The following RALYL variants were observed in gnomAD, a reference collection of about 807,000 sequenced individuals.
The protein encoded by RALYL is RALY RNA binding protein like, also known as RNA-binding Raly-like protein.
RALYL carries 29 observed loss-of-function variants against 35.1 expected under a neutral mutation model. That is an observed-to-expected ratio of 0.83 (90% CI 0.61 to 1.13). The LOEUF is 1.13. RALYL is among the 50% of genes most tolerant of loss of function. The pLI, the probability that RALYL is intolerant of heterozygous loss-of-function variation, is 0.00. For synonymous variants in RALYL, 120 were observed against 127.6 expected, an observed-to-expected ratio of 0.94 and a Z score of 0.40; for missense variants, 359 against 360.4, an observed-to-expected ratio of 1.00 and a Z score of 0.03.
At chr8:84,734,383 A>T (rs1846836487) in intron 2 of RALYL, among the ~76,000 whole-genome samples, 1 of 152,194 alleles carries the variant, frequency 6.6e-6, no homozygotes, top group Non-Finnish European at 1.5e-5. Context: ...TATTTATGCT[A>T]AAAGATTAGT....
At chr8:84,188,858 A>G (rs1221956304) in intron 1 of RALYL, among the ~76,000 whole-genome samples, 5 of 152,146 alleles carry the variant, frequency 3.3e-5, no homozygotes, top group Non-Finnish European at 5.9e-5. Flanking sequence ...TTAAATATCA[A>G]ACTTACCTTG....
intron 1 of RALYL, among the ~76,000 whole-genome samples, chr8:84,438,872 C>T (rs755768295): frequency 1.3e-5 from 2 of 151,964 alleles, no homozygotes; most frequent in Admixed American, 6.6e-5. Context: ...TTGTCAGTTT[C>T]GTCAAAGATC....
chr8:84,887,418 A>C (rs1843074017), intron 7 of RALYL, among the ~76,000 whole-genome samples, 186 bp from the exon 8 acceptor site: 1 of 152,240 alleles, frequency 6.6e-6, no homozygotes, highest in Non-Finnish European at 1.5e-5. Flanking sequence ...ATGTAAGTGC[A>C]CATAGAAATC....
At chr8:84,836,576 T>C (rs1430142202) in intron 4 of RALYL, among the ~76,000 whole-genome samples, 2 of 152,230 alleles carry the variant, frequency 1.3e-5, no homozygotes, top group Non-Finnish European at 2.9e-5. Context: ...ATTGGTGACA[T>C]ACACCAAAGT....
intron 7 of RALYL, among the ~76,000 whole-genome samples, chr8:84,886,615 T>C (rs1842949948): frequency 6.6e-6 from 1 of 152,156 alleles, no homozygotes; most frequent in African/African-American, 2.4e-5. Context: ...AGGAGGAACA[T>C]ACAATGATCT....
intron 2 of RALYL, among the ~76,000 whole-genome samples, chr8:84,722,685 A>G (rs529594722): frequency 1.3e-4 from 19 of 145,032 alleles, no homozygotes; most frequent in African/African-American, 4.6e-4. Flanking sequence ...ACATATATAC[A>G]ATGTATATTG....
intron 1 of RALYL, among the ~76,000 whole-genome samples, chr8:84,494,848 G>C (rs1382071685): frequency 6.6e-6 from 1 of 152,070 alleles, no homozygotes; most frequent in African/African-American, 2.4e-5. Context: ...TGCAGACAGA[G>C]ACAATTTGAC....
At chr8:84,462,929 T>TATTC (rs537982905) in intron 1 of RALYL, among the ~76,000 whole-genome samples, 11 of 152,014 alleles carry the variant, frequency 7.2e-5, no homozygotes, top group South Asian at 6.2e-4. Flanking sequence ...TAACCTGAGT[T>TATTC]ATTCATTCAT....
intron 1 of RALYL, among the ~76,000 whole-genome samples, chr8:84,424,342 T>C (rs317933): frequency 0.38 from 25,923 of 67,384 alleles, 5,247 homozygotes; most frequent in African/African-American, 0.54. Flanking sequence ...TTGATCGCAT[T>C]GGCTCCTGAG....
intron 2 of RALYL, among the ~76,000 whole-genome samples, chr8:84,598,884 C>T (rs1242862484): frequency 6.6e-6 from 1 of 152,040 alleles, no homozygotes; most frequent in Admixed American, 6.6e-5. Context: ...TTGGAGAAAC[C>T]TCCATGCTGT....
chr8:84,186,526 C>T (rs866388646), intron 1 of RALYL, among the ~76,000 whole-genome samples: 1 of 152,010 alleles, frequency 6.6e-6, no homozygotes, highest in Non-Finnish European at 1.5e-5. Context: ...CTTGAATGAT[C>T]GAACCTGCAT....
At chr8:84,279,220 A>G (rs1215287853) in intron 1 of RALYL, among the ~76,000 whole-genome samples, 3 of 152,112 alleles carry the variant, frequency 2.0e-5, no homozygotes, top group African/African-American at 7.2e-5. Context: ...TGTCCCCATG[A>G]CTCAATTAAC....
At chr8:84,201,658 G>T (rs1486118858) in intron 1 of RALYL, among the ~76,000 whole-genome samples, 2 of 151,608 alleles carry the variant, frequency 1.3e-5, no homozygotes, top group Non-Finnish European at 2.9e-5. Flanking sequence ...GAACTCCTGA[G>T]CATAAGGGAT....
At chr8:84,869,817 A>G in intron 6 of RALYL, among the ~76,000 whole-genome samples, 1 of 152,186 alleles carries the variant, frequency 6.6e-6, no homozygotes, top group East Asian at 1.9e-4. Context: ...TTGGCCACAT[A>G]AGTCAGAAAT....
At chr8:84,540,565 G>T (rs2059953939) in intron 2 of RALYL, among the ~76,000 whole-genome samples, 1 of 150,932 alleles carries the variant, frequency 6.6e-6, no homozygotes, top group Non-Finnish European at 1.5e-5. Context: ...ATAAAAAAAA[G>T]TGTTGTCTTG....
intron 2 of RALYL, among the ~76,000 whole-genome samples, chr8:84,560,370 A>C (rs137889814): frequency 2.0e-5 from 3 of 152,188 alleles, no homozygotes; most frequent in African/African-American, 7.2e-5. Flanking sequence ...ACTGATAATA[A>C]TAATGTCAGC....
At chr8:84,326,394 T>C (rs1362760583) in intron 1 of RALYL, among the ~76,000 whole-genome samples, 1 of 152,204 alleles carries the variant, frequency 6.6e-6, no homozygotes, top group East Asian at 1.9e-4. Flanking sequence ...CCAATTGAAC[T>C]GTTCACTGCT....
At chr8:84,204,818 A>G (rs1376539204) in intron 1 of RALYL, among the ~76,000 whole-genome samples, 2 of 152,186 alleles carry the variant, frequency 1.3e-5, no homozygotes, top group Non-Finnish European at 2.9e-5. Flanking sequence ...AGTGTTCAGC[A>G]TTACTAAGTT....
chr8:84,243,664 C>T (rs1181011841), intron 1 of RALYL, among the ~76,000 whole-genome samples: 1 of 152,074 alleles, frequency 6.6e-6, no homozygotes, highest in East Asian at 1.9e-4. Context: ...TACTCACTTT[C>T]CCACCCTCCA....
Sources: allele counts gnomAD v4.1 joint callset (sites outside exome capture counted in the v4.1 genomes callset), GRCh38; gene constraint gnomAD v4.1.1; transcripts MANE v1.5; gene names NCBI Gene and HGNC (gene_info 2026-07-23, HGNC 2026-07-21).